KLF12: variants seen among roughly 807,000 people sequenced by gnomAD.
KLF12 encodes the protein Krueppel-like factor 12.
In KLF12, 9 loss-of-function variants were observed where a neutral mutation model predicts 37.8. That is an observed-to-expected ratio of 0.24 (90% CI 0.14 to 0.42). KLF12 has a LOEUF of 0.42. Among genes scored for constraint, KLF12 ranks in the 10% least tolerant of loss-of-function variants. KLF12 has a pLI of 1.00. For synonymous variants in KLF12, 208 were observed against 202.1 expected, an observed-to-expected ratio of 1.03 and a Z score of -0.25; for missense variants, 411 against 516.0, an observed-to-expected ratio of 0.80 and a Z score of 1.97.
chr13:73,715,982 T>C (rs1168894958), intron 6 of KLF12, among the ~76,000 whole-genome samples: 1 of 152,188 alleles, frequency 6.6e-6, no homozygotes, highest in Non-Finnish European at 1.5e-5. Context: ...TAGAAACTCC[T>C]GTAAAATCAC....
At chr13:73,831,182 T>A (rs1442235363) in intron 4 of KLF12, among the ~76,000 whole-genome samples, 1 of 152,222 alleles carries the variant, frequency 6.6e-6, no homozygotes, top group African/African-American at 2.4e-5. Flanking sequence ...TAAGGCATAC[T>A]TTTTAAAGCA....
chr13:74,023,021 A>C (rs1892883359), intron 1 of KLF12, among the ~76,000 whole-genome samples: 1 of 151,448 alleles, frequency 6.6e-6, no homozygotes. Context: ...ACTGATTCTA[A>C]TGTGCACCTG....
chr13:73,882,682 AT>A (rs1168580575), intron 3 of KLF12, among the ~76,000 whole-genome samples: 4 of 152,234 alleles, frequency 2.6e-5, no homozygotes, highest in African/African-American at 9.6e-5. Context: ...AAATTATAAT[AT>A]TTGATCCATA....
intron 2 of KLF12, among the ~76,000 whole-genome samples, chr13:73,992,057 G>C (rs142104352): frequency 6.6e-6 from 1 of 152,196 alleles, no homozygotes; most frequent in East Asian, 1.9e-4. Context: ...AGAGGTAGTC[G>C]CAAAGCAAAG....
At chr13:73,971,092 C>T (rs1354637671) in intron 2 of KLF12, among the ~76,000 whole-genome samples, 1 of 152,064 alleles carries the variant, frequency 6.6e-6, no homozygotes, top group Non-Finnish European at 1.5e-5. Context: ...GAAAGTTACT[C>T]GAACCTGGCA....
At chr13:74,210,873 A>G in the KLF12 span, among the ~76,000 whole-genome samples, 1 of 152,102 alleles carries the variant, frequency 6.6e-6, no homozygotes, top group Non-Finnish European at 1.5e-5. Context: ...CTGGTTGCCA[A>G]CTCACAGGCA....
intron 3 of KLF12, among the ~76,000 whole-genome samples, chr13:73,898,289 C>CA (rs1364533562): frequency 6.6e-6 from 1 of 152,162 alleles, no homozygotes; most frequent in East Asian, 1.9e-4. Flanking sequence ...CGATGTTAAA[C>CA]AATGATTATC....
At chr13:74,021,156 G>T (rs1733057546) in intron 1 of KLF12, among the ~76,000 whole-genome samples, 1 of 152,088 alleles carries the variant, frequency 6.6e-6, no homozygotes, top group African/African-American at 2.4e-5. Flanking sequence ...AAAGCATTTT[G>T]AATTAAACCA....
intron 3 of KLF12, among the ~76,000 whole-genome samples, chr13:73,918,117 G>A (rs1888932794): frequency 6.6e-6 from 1 of 151,610 alleles, no homozygotes; most frequent in South Asian, 2.1e-4. Flanking sequence ...ACATATCTAT[G>A]TATACAGAGA....
chr13:73,955,479 A>T lies in KLF12; in HGVS notation c.34-11409T>A, dbSNP rs1345457946. On this transcript the variant is annotated intron_variant, in intron 2 of 7. Coordinates refer to ENST00000377669, the MANE Select transcript of KLF12 (RefSeq NM_007249.5). ...AGCAATGAATTATTTTATCTGTTTA[A>T]AACTGTGACGATGTACACACCGATT... Among the ~76,000 whole-genome samples the T allele has an allele frequency of 7.2e-5, 11 of 152,334 alleles. No homozygotes were observed. The East Asian group carries it at 2.1e-3, about 29-fold the overall frequency.
chr13:74,157,340 G>T, the KLF12 span, among the ~76,000 whole-genome samples: 4 of 152,142 alleles, frequency 2.6e-5, no homozygotes. Context: ...TGGTTTACCT[G>T]ATCCTATAGC....
At chr13:73,918,528 C>T (rs1020122741) in intron 3 of KLF12, among the ~76,000 whole-genome samples, 4 of 152,032 alleles carry the variant, frequency 2.6e-5, no homozygotes, top group African/African-American at 9.7e-5. Flanking sequence ...TATTTTAGGC[C>T]GATTTTTATA....
chr13:74,144,342 T>C, the KLF12 span, among the ~76,000 whole-genome samples: 2 of 152,166 alleles, frequency 1.3e-5, no homozygotes, highest in Admixed American at 6.6e-5. Flanking sequence ...TCTCAGGACT[T>C]CCACTAGTTA....
At chr13:73,774,324 A>T (rs1880462510) in intron 5 of KLF12, among the ~76,000 whole-genome samples, 2 of 151,368 alleles carry the variant, frequency 1.3e-5, no homozygotes, top group East Asian at 1.9e-4. Flanking sequence ...ATATATATAG[A>T]TTATACATTA....
At chr13:74,141,389 A>G in the KLF12 span, among the ~76,000 whole-genome samples, 1 of 152,208 alleles carries the variant, frequency 6.6e-6, no homozygotes. Context: ...AAGAAATGAA[A>G]CCTGGTCAGA....
intron 3 of KLF12, among the ~76,000 whole-genome samples, chr13:73,895,562 T>A (rs1887723700): frequency 6.6e-6 from 1 of 152,142 alleles, no homozygotes. Context: ...TGGTTAGTAA[T>A]GTTGACATTG....
At chr13:73,887,106 T>G (rs1482065825) in intron 3 of KLF12, among the ~76,000 whole-genome samples, 1 of 152,102 alleles carries the variant, frequency 6.6e-6, no homozygotes. Flanking sequence ...TTCATCATCA[T>G]CAGGGACACC....
the KLF12 span, among the ~76,000 whole-genome samples, chr13:74,185,261 T>C: frequency 1.3e-5 from 2 of 152,204 alleles, no homozygotes; most frequent in African/African-American, 2.4e-5. Context: ...CTTATTTAGG[T>C]CCTTCTCTCC....
chr13:73,939,912 G>C lies in KLF12; in HGVS notation c.123+4069C>G, dbSNP rs189717516. ...ACAGAAAGGCTCTGTCTCACCCCTT[G>C]CTCCTCACCAGGATCATAGAATGGC... On this transcript the variant is annotated intron_variant, in intron 3 of 7. Transcript: ENST00000377669. 9.9e-5 allele frequency among the ~76,000 whole-genome samples: 15 copies of C among 152,202 alleles called. No individual in the cohort carries two copies. In the East Asian group the frequency reaches 2.7e-3, roughly 27 times the overall value.
Sources: gnomAD v4.1 joint callset for allele counts (sites outside exome capture counted in the v4.1 genomes callset) on GRCh38, gnomAD v4.1.1 for gene constraint, MANE v1.5 for transcripts, NCBI Gene and HGNC (gene_info 2026-07-23, HGNC 2026-07-21) for gene names.